GNB1L: variants seen among roughly 807,000 people sequenced by gnomAD.
GNB1L encodes G protein subunit beta 1 like.
A neutral mutation model predicts 29.1 loss-of-function variants in GNB1L; 20 were observed. The observed-to-expected ratio is 0.69, with a 90% CI of 0.48 to 1.00. The LOEUF (loss-of-function observed/expected upper bound fraction) is 1.00, where lower values mean the gene tolerates loss of function less well. Ranked by LOEUF, GNB1L falls within the 50% of genes least tolerant of loss-of-function variation. The pLI is 0.00. For missense variants in GNB1L, 421 were observed against 464.9 expected, an observed-to-expected ratio of 0.91 and a Z score of 0.87; for synonymous variants, 193 against 206.5, an observed-to-expected ratio of 0.93 and a Z score of 0.56.
chr22:19,847,856 A>G, intron 2 of GNB1L: 1 of 942,340 alleles, frequency 1.1e-6, no homozygotes, highest in Non-Finnish European at 1.3e-6. Flanking sequence ...GTACTTTCAT[A>G]ATTGTAACAT....
At chr22:19,834,707 C>G (rs1937734159) in intron 2 of GNB1L, among the ~76,000 whole-genome samples, 1 of 151,824 alleles carries the variant, frequency 6.6e-6, no homozygotes, top group African/African-American at 2.4e-5. Context: ...CAAAGAGATA[C>G]TGCCAAAGTT....
intron 2 of GNB1L, chr22:19,850,384 T>C: frequency 1.0e-6 from 1 of 988,138 alleles, no homozygotes; most frequent in Non-Finnish European, 1.2e-6. Flanking sequence ...GAATCCGCAA[T>C]GCATGCGAGT....
At chr22:19,821,139 C>T (rs945631266) in intron 3 of GNB1L, 89 bp downstream of exon 3, 94 of 1,346,828 alleles carry the variant, frequency 7.0e-5, no homozygotes, top group Admixed American at 2.5e-4. Flanking sequence ...CCTTGGCCAG[C>T]ACCCTCAAAC....
chr22:19,826,888 G>A (rs954490181), intron 2 of GNB1L, among the ~76,000 whole-genome samples: 14 of 152,118 alleles, frequency 9.2e-5, no homozygotes, highest in Non-Finnish European at 1.6e-4. Context: ...ACACATCCAG[G>A]TTACGAGACA....
chr22:19,799,732 C>T (rs191143027), intron 7 of GNB1L, among the ~76,000 whole-genome samples: 1 of 152,314 alleles, frequency 6.6e-6, no homozygotes, highest in East Asian at 1.9e-4. Flanking sequence ...GGTGAGGACA[C>T]CTGTGGGTGC....
At chr22:19,812,969 T>C (rs1363790441) in intron 4 of GNB1L, among the ~76,000 whole-genome samples, 2 of 152,286 alleles carry the variant, frequency 1.3e-5, no homozygotes, top group South Asian at 2.1e-4. Context: ...AGGTTACAGT[T>C]CTGAATCCTC....
chr22:19,850,868 T>C lies in GNB1L; in HGVS notation c.-21+3575A>G, dbSNP rs988632174. 8 of 1,329,464 alleles carry C rather than the reference T, an allele frequency of 6.0e-6. No individual in the cohort carries two copies. The South Asian group carries it at 1.5e-4, about 24-fold the overall frequency. 82.4% of individuals were successfully genotyped at this position (1,329,464 alleles called of 1,614,324 possible). ...GATGCAACTATCTGCTGAGAGTTGA[T>C]CTACAAAACGACCCCCTCGTGGGAG... On this transcript the variant is annotated intron_variant, in intron 2 of 7. Transcript: ENST00000329517.
chr22:19,842,233 A>G (rs1203040516), intron 2 of GNB1L, among the ~76,000 whole-genome samples: 1 of 152,204 alleles, frequency 6.6e-6, no homozygotes, highest in Non-Finnish European at 1.5e-5. Context: ...AGCCTCACAC[A>G]CACCACTCCA....
chr22:19,847,053 C>T (rs1001042147), intron 2 of GNB1L: 4 of 985,306 alleles, frequency 4.1e-6, no homozygotes, highest in African/African-American at 1.7e-5. Context: ...CAGCTGCTGC[C>T]GTCCTATGGA....
chr22:19,843,480 A>G (rs1037317734), intron 2 of GNB1L, among the ~76,000 whole-genome samples: 1 of 152,224 alleles, frequency 6.6e-6, no homozygotes, highest in African/African-American at 2.4e-5. Context: ...GCAAGTGCAC[A>G]GCCCAACCCC....
rs1412174745 is a variant in GNB1L at position 19,785,852 on chromosome 22, T to TG, written c.*2856dup. ...GCTGAGACCGTTTCTTCTTCTGTTGTGGGGGTTTCAAGGCTGGTCAGACGC... is the reference window on the plus strand; with the variant it reads ...GCTGAGACCGTTTCTTCTTCTGTTGTGGGGGGTTTCAAGGCTGGTCAGACGC... On this transcript the variant is annotated 3_prime_UTR_variant, in exon 8 of 8. Coordinates refer to ENST00000329517, the MANE Select transcript of GNB1L (RefSeq NM_053004.3). The surrounding 1 kb of genome is among the most constrained non-coding windows in gnomAD (Gnocchi z 4.1). The TG allele has an allele frequency of 1.3e-5, 2 of 152,262 alleles. No individual in the cohort carries two copies. The highest frequency in any genetic ancestry group is 2.9e-5 in the Non-Finnish European group (2 of 68,102). 9.4% of individuals were successfully genotyped at this position (152,262 alleles called of 1,614,324 possible). A position where few individuals can be genotyped will look rare whatever the true frequency, so the allele number is the denominator to read the frequency against.
chr22:19,790,360 G>A (rs1937239807), intron 7 of GNB1L, among the ~76,000 whole-genome samples: 1 of 152,144 alleles, frequency 6.6e-6, no homozygotes, highest in Admixed American at 6.5e-5. Flanking sequence ...GTCCTTTGGG[G>A]CCAAAGATAT....
intron 2 of GNB1L, chr22:19,847,211 G>A: frequency 2.0e-6 from 2 of 985,498 alleles, no homozygotes; most frequent in Non-Finnish European, 2.4e-6. Flanking sequence ...AGGTCTGACA[G>A]GCCCCAGCCA....
chr22:19,812,526 G>C (rs749146111), intron 4 of GNB1L, 79 bp from the exon 5 acceptor site: 19 of 1,352,800 alleles, frequency 1.4e-5, no homozygotes, highest in Non-Finnish European at 1.8e-5. Context: ...CGGAAGGAAG[G>C]CAAGGCCATG....
At chr22:19,839,780 TGA>T (rs1937825921) in intron 2 of GNB1L, among the ~76,000 whole-genome samples, 1 of 152,004 alleles carries the variant, frequency 6.6e-6, no homozygotes, top group Admixed American at 6.6e-5. Flanking sequence ...CTCAGGAGGC[TGA>T]GACAGGAGAA....
chr22:19,792,116 C>T (rs1390045911), intron 7 of GNB1L, among the ~76,000 whole-genome samples: 1 of 152,208 alleles, frequency 6.6e-6, no homozygotes, highest in Non-Finnish European at 1.5e-5. Context: ...GGCACACAAA[C>T]AGCAAATTAG....
At chr22:19,797,513 A>G (rs1263337762) in intron 7 of GNB1L, among the ~76,000 whole-genome samples, 1 of 152,222 alleles carries the variant, frequency 6.6e-6, no homozygotes, top group Non-Finnish European at 1.5e-5. Context: ...ATTTAGTGAC[A>G]TCAGGCACCC....
chr22:19,841,148 A>G (rs1408659548), intron 2 of GNB1L, among the ~76,000 whole-genome samples: 1 of 152,236 alleles, frequency 6.6e-6, no homozygotes, highest in Non-Finnish European at 1.5e-5. Context: ...CTAACAATGC[A>G]TCAATCCTAG....
intron 2 of GNB1L, among the ~76,000 whole-genome samples, chr22:19,829,025 T>C (rs1937644624): frequency 6.6e-6 from 1 of 151,726 alleles, no homozygotes; most frequent in South Asian, 2.1e-4. Flanking sequence ...AGAGATGGGG[T>C]TTCACCCCAT....
Sources: allele counts gnomAD v4.1 joint callset (sites outside exome capture counted in the v4.1 genomes callset), GRCh38; gene constraint gnomAD v4.1.1; non-coding constraint Gnocchi (gnomAD v3.1); transcripts MANE v1.5; gene names NCBI Gene and HGNC (gene_info 2026-07-23, HGNC 2026-07-21).